ERAP1: variants seen among roughly 807,000 people sequenced by gnomAD.
The protein encoded by ERAP1 is endoplasmic reticulum aminopeptidase 1, also known as adipocyte-derived leucine aminopeptidase.
A neutral mutation model predicts 103.7 loss-of-function variants in ERAP1; 86 were observed. The ratio of observed to expected loss-of-function variants is 0.83; its 90% confidence interval spans 0.70 to 0.99. ERAP1 has a LOEUF of 0.99. ERAP1 is among the 50% of genes least tolerant of loss of function. ERAP1 has a pLI of 0.00. For synonymous variants in ERAP1, 398 were observed against 402.4 expected, an observed-to-expected ratio of 0.99 and a Z score of 0.13; for missense variants, 1,009 against 1,128.4, an observed-to-expected ratio of 0.89 and a Z score of 1.52.
intron 14 of ERAP1, 70 bp downstream of exon 14, chr5:96,783,849 ACACAC>A (rs2150918218): frequency 2.5e-6 from 1 of 400,960 alleles, no homozygotes; most frequent in Admixed American, 7.4e-5. Flanking sequence ...ACACACACAC[ACACAC>A]ATACACACAC....
Position 96,775,896 on chromosome 5 carries a change from G to A in ERAP1, c.*500C>T. 2 of 946,222 alleles carry A rather than the reference G, an allele frequency of 2.1e-6. No homozygotes were observed. The highest frequency in any genetic ancestry group is 2.5e-6 in the Non-Finnish European group (2 of 789,998). 58.6% of individuals were successfully genotyped at this position (946,222 alleles called of 1,614,324 possible). On this transcript the variant is annotated 3_prime_UTR_variant, in exon 19 of 19. Coordinates refer to ENST00000443439, the MANE Select transcript of ERAP1 (RefSeq NM_001040458.3). ...AAGCTTGATGACTTGGCCTTTACAA[G>A]TCAGCCCCTGGGCATGGAGCAAGGA...
chr5:96,935,381 C>T, the ERAP1 span: 1 of 152,364 alleles, frequency 6.6e-6, no homozygotes, highest in Admixed American at 6.5e-5. Flanking sequence ...TCACCGCCCT[C>T]CTGAGGCACT....
the ERAP1 span, among the ~76,000 whole-genome samples, chr5:96,828,908 A>G: frequency 0.52 from 78,995 of 151,986 alleles, 20,779 homozygotes; most frequent in Middle Eastern, 0.67. Flanking sequence ...GTGCAGTGGC[A>G]CAATCTCGGC....
At chr5:96,770,408 A>C (rs1771852262), downstream of ERAP1, 5 of 633,914 alleles carry the variant, frequency 7.9e-6, no homozygotes, top group Non-Finnish European at 1.4e-5. Flanking sequence ...AAACACCCAA[A>C]GTCTTCCATT....
intron 19 of ERAP1, among the ~76,000 whole-genome samples, chr5:96,768,229 G>C (rs958282845): frequency 2.0e-5 from 3 of 151,922 alleles, no homozygotes; most frequent in Non-Finnish European, 4.4e-5. Context: ...GACTACAGGC[G>C]TGCACCACCA....
chr5:96,873,656 A>G, the ERAP1 span: 1 of 339,984 alleles, frequency 2.9e-6, no homozygotes, highest in Non-Finnish European at 5.9e-6. Context: ...TGAAGCATGA[A>G]GCAAGTGTTG....
chr5:96,848,942 AT>A, the ERAP1 span: 2 of 152,160 alleles, frequency 1.3e-5, no homozygotes, highest in African/African-American at 2.4e-5. Flanking sequence ...ATCAAGTGAG[AT>A]TTTTCCCTGG....
chr5:96,800,649 A>G (rs1401311692), intron 3 of ERAP1, among the ~76,000 whole-genome samples: 1 of 152,222 alleles, frequency 6.6e-6, no homozygotes, highest in Non-Finnish European at 1.5e-5. Flanking sequence ...TGGCACTGTT[A>G]CTGAAATCTT....
the ERAP1 span, among the ~76,000 whole-genome samples, chr5:96,830,063 A>C: frequency 6.6e-6 from 1 of 152,222 alleles, no homozygotes; most frequent in Non-Finnish European, 1.5e-5. Context: ...TTTGAAAGAC[A>C]TTTCAAGAAG....
the ERAP1 span, among the ~76,000 whole-genome samples, chr5:96,848,427 T>TA: frequency 5.3e-5 from 8 of 151,712 alleles, no homozygotes; most frequent in Admixed American, 3.9e-4. Flanking sequence ...CTCAAATAAA[T>TA]AAAAAATCAA....
At chr5:96,871,039 A>G in the ERAP1 span, among the ~76,000 whole-genome samples, 2 of 152,184 alleles carry the variant, frequency 1.3e-5, no homozygotes, top group African/African-American at 4.8e-5. Flanking sequence ...CTCCAGGAAA[A>G]TCCTCAGCAG....
upstream of ERAP1, among the ~76,000 whole-genome samples, chr5:96,810,135 C>G (rs879277470): frequency 6.6e-6 from 1 of 152,154 alleles, no homozygotes; most frequent in Admixed American, 6.5e-5. Context: ...TCGCCCTGGC[C>G]GTGATTTCGT....
the ERAP1 span, among the ~76,000 whole-genome samples, chr5:96,891,064 C>T: frequency 1.3e-5 from 2 of 152,108 alleles, no homozygotes; most frequent in African/African-American, 2.4e-5. Flanking sequence ...GAAGTGCTAA[C>T]GAATACTAAT....
At chr5:96,856,303 G>A in the ERAP1 span, among the ~76,000 whole-genome samples, 10 of 113,406 alleles carry the variant, frequency 8.8e-5, no homozygotes, top group East Asian at 2.8e-4. Context: ...TGGGTGACAG[G>A]GTGAGACTCC....
At chr5:96,781,293 C>A in intron 16 of ERAP1, 95 bp from the exon 17 acceptor site, 2 of 1,297,714 alleles carry the variant, frequency 1.5e-6, no homozygotes, top group Non-Finnish European at 2.2e-6. Flanking sequence ...AAAAAAAAGT[C>A]TGCCAGTAAC....
the ERAP1 span, among the ~76,000 whole-genome samples, chr5:96,928,569 T>C: frequency 6.6e-6 from 1 of 152,142 alleles, no homozygotes; most frequent in Non-Finnish European, 1.5e-5. Flanking sequence ...CTAGTGCCTT[T>C]AGGGGGAGTA....
chr5:96,911,293 C>A, the ERAP1 span, among the ~76,000 whole-genome samples: 1 of 152,188 alleles, frequency 6.6e-6, no homozygotes, highest in Non-Finnish European at 1.5e-5. Context: ...ATGCAAATTT[C>A]TGGCTCCCTC....
chr5:96,791,242 G>T (rs1776700567), intron 8 of ERAP1, among the ~76,000 whole-genome samples: 1 of 152,170 alleles, frequency 6.6e-6, no homozygotes, highest in Admixed American at 6.5e-5. Context: ...CACGGATGGT[G>T]AGTCACAAAC....
At chr5:96,859,800 G>C in the ERAP1 span, among the ~76,000 whole-genome samples, 92 of 152,120 alleles carry the variant, frequency 6.0e-4, no homozygotes, top group Non-Finnish European at 1.0e-3. Flanking sequence ...ATTTTGGCTG[G>C]CAACTATGAC....
Sources: allele counts gnomAD v4.1 joint callset (sites outside exome capture counted in the v4.1 genomes callset), GRCh38; gene constraint gnomAD v4.1.1; transcripts MANE v1.5; gene names NCBI Gene and HGNC (gene_info 2026-07-23, HGNC 2026-07-21).